Variants in CDH2 observed in about 807,000 individuals in gnomAD.
The protein encoded by CDH2 is cadherin-2.
CDH2 carries 17 observed loss-of-function variants against 92.0 expected under a neutral mutation model. The ratio of observed to expected loss-of-function variants is 0.18; its 90% CI spans 0.13 to 0.28. CDH2 has a LOEUF of 0.28. Ranked by LOEUF, CDH2 falls within the 10% of genes least tolerant of loss-of-function variation. CDH2 has a pLI of 1.00. For synonymous variants in CDH2, 419 were observed against 415.9 expected, an observed-to-expected ratio of 1.01 and a Z score of -0.09; for missense variants, 862 against 1,133.1, an observed-to-expected ratio of 0.76 and a Z score of 3.44.
intron 6 of CDH2, among the ~76,000 whole-genome samples, chr18:27,941,459 C>T (rs1312183624): frequency 2.0e-5 from 3 of 152,186 alleles, no homozygotes; most frequent in Non-Finnish European, 4.4e-5. Context: ...TCTCATTTCA[C>T]ATTCTTCAGT....
At chr18:28,173,946 A>G (rs1352377157) in intron 1 of CDH2, among the ~76,000 whole-genome samples, 1 of 152,172 alleles carries the variant, frequency 6.6e-6, no homozygotes, top group African/African-American at 2.4e-5. Flanking sequence ...TCAAATTCGG[A>G]TTTTTTAATA....
At chr18:28,168,414 T>C (rs2016416973) in intron 1 of CDH2, among the ~76,000 whole-genome samples, 1 of 152,096 alleles carries the variant, frequency 6.6e-6, no homozygotes, top group African/African-American at 2.4e-5. Flanking sequence ...ATGGAAAATG[T>C]TTGAACATTA....
At position 28,090,219 on chromosome 18, in the gene CDH2, T is replaced by C. The variant is rs557058516; in HGVS notation, c.172+57454A>G. Among the ~76,000 whole-genome samples the C allele has an allele frequency of 3.9e-5, 6 of 152,340 alleles. No individual in the cohort carries two copies. The South Asian group carries it at 6.2e-4, about 16-fold the overall frequency. On this transcript the variant is annotated intron_variant, in intron 2 of 15. Transcript: ENST00000269141. The stretch of plus-strand genomic sequence containing the variant: ...TTTTTGCATCTGTTGACTAAGACAA[T>C]GCCTATAAACTACTTTGAATTCACT...
chr18:27,966,517 T>G (rs2011537714), intron 14 of CDH2, among the ~76,000 whole-genome samples: 1 of 152,214 alleles, frequency 6.6e-6, no homozygotes, highest in Non-Finnish European at 1.5e-5. Context: ...AAATTGCATT[T>G]TGATTGGCTA....
rs1158657963 is a variant in CDH2, at chr18:28,005,846, T to C, written c.847+3A>G. 1.9e-6 allele frequency: 3 copies of C among 1,607,494 alleles called. No homozygotes were observed. The highest frequency in any genetic ancestry group is 2.6e-6 in the Non-Finnish European group (3 of 1,175,748). On this transcript the variant is annotated splice_donor_region_variant and intron_variant, in intron 6 of 15. Coordinates refer to ENST00000269141, the MANE Select transcript of CDH2 (RefSeq NM_001792.5). ...ATCTTCAAATTATTATCTTTAAACT[T>C]ACCAGGCTTTGATCCCTCAGGAACT...
intron 11 of CDH2, among the ~76,000 whole-genome samples, chr18:27,987,593 A>G (rs569800702): frequency 1.3e-5 from 2 of 152,350 alleles, no homozygotes; most frequent in East Asian, 1.9e-4. Context: ...TCATATTCAT[A>G]GTTTAATACT....
intron 2 of CDH2, among the ~76,000 whole-genome samples, chr18:28,106,177 G>A (rs893832844): frequency 6.6e-6 from 1 of 152,312 alleles, no homozygotes; most frequent in East Asian, 1.9e-4. Context: ...AGCACTTGGG[G>A]AGCCCAAGGC....
chr18:28,117,693 C>A (rs28365308), intron 2 of CDH2, among the ~76,000 whole-genome samples: 1 of 152,002 alleles, frequency 6.6e-6, no homozygotes, highest in Non-Finnish European at 1.5e-5. Context: ...GGTTTTAAGA[C>A]AAAAGTGGCC....
intron 2 of CDH2, among the ~76,000 whole-genome samples, chr18:28,132,174 G>A (rs540905560): frequency 1.6e-4 from 25 of 152,290 alleles, no homozygotes; most frequent in African/African-American, 5.8e-4. Context: ...TGCAGTCTGC[G>A]CTCACATCCT....
At chr18:27,978,920 T>C (rs1291320571) in intron 14 of CDH2, among the ~76,000 whole-genome samples, 1 of 151,974 alleles carries the variant, frequency 6.6e-6, no homozygotes, top group Admixed American at 6.6e-5. Context: ...CCTCCCAAAG[T>C]CCTGGGATTA....
At chr18:27,933,160 C>T (rs1598973114) in intron 6 of CDH2, among the ~76,000 whole-genome samples, 1 of 152,082 alleles carries the variant, frequency 6.6e-6, no homozygotes, top group Non-Finnish European at 1.5e-5. Context: ...CATCTCAAGT[C>T]TTATCTCTTT....
chr18:27,953,834 G>A (rs1046421709), intron 15 of CDH2, among the ~76,000 whole-genome samples: 6 of 152,126 alleles, frequency 3.9e-5, no homozygotes, highest in African/African-American at 1.4e-4. Flanking sequence ...ACAGTGACTG[G>A]CACATGTAGA....
chr18:28,065,069 T>C (rs1342386103), intron 2 of CDH2, among the ~76,000 whole-genome samples: 1 of 152,116 alleles, frequency 6.6e-6, no homozygotes, highest in African/African-American at 2.4e-5. Context: ...GTGGTACAAG[T>C]CAAGTGCCAT....
chr18:27,935,006 C>T (rs1598973810), intron 6 of CDH2, among the ~76,000 whole-genome samples: 1 of 152,184 alleles, frequency 6.6e-6, no homozygotes, highest in African/African-American at 2.4e-5. Context: ...CCCTCCAGTG[C>T]TTTACTTGAC....
chr18:27,995,394 C>T (rs1234782759), intron 7 of CDH2, among the ~76,000 whole-genome samples: 1 of 151,240 alleles, frequency 6.6e-6, no homozygotes, highest in Non-Finnish European at 1.5e-5. Flanking sequence ...AGAAGTGTCA[C>T]TTCAGCTTAA....
intron 2 of CDH2, among the ~76,000 whole-genome samples, chr18:28,121,513 T>C (rs550239807): frequency 6.6e-6 from 1 of 152,244 alleles, no homozygotes; most frequent in South Asian, 2.1e-4. Flanking sequence ...CTCTTCTCTA[T>C]ATTCTGCACC....
chr18:28,150,354 G>GA (rs2016102492), intron 1 of CDH2, among the ~76,000 whole-genome samples: 1 of 152,200 alleles, frequency 6.6e-6, no homozygotes, highest in South Asian at 2.1e-4. Context: ...CAGAGATCAA[G>GA]AAAGTCTCAA....
chr18:28,081,731 C>T (rs11083246), intron 2 of CDH2, among the ~76,000 whole-genome samples: 24,751 of 152,144 alleles, frequency 0.16, 2,324 homozygotes, highest in East Asian at 0.3. Context: ...ATTTATAAAA[C>T]TGACCCTTTC....
intron 1 of CDH2, among the ~76,000 whole-genome samples, chr18:28,158,414 G>T (rs929295118): frequency 6.6e-6 from 1 of 152,188 alleles, no homozygotes; most frequent in South Asian, 2.1e-4. Context: ...CAACTCAAGG[G>T]TGAAGGACAA....
Sources: gnomAD v4.1 joint callset for allele counts (sites outside exome capture counted in the v4.1 genomes callset) on GRCh38, gnomAD v4.1.1 for gene constraint, MANE v1.5 for transcripts, NCBI Gene and HGNC (gene_info 2026-07-23, HGNC 2026-07-21) for gene names.